CDK14: variants seen among roughly 807,000 people sequenced by gnomAD.
The protein encoded by CDK14 is cyclin dependent kinase 14, also known as cyclin-dependent kinase 14.
In CDK14, 34 loss-of-function variants were observed where a neutral mutation model predicts 60.7. That is an observed-to-expected ratio of 0.56 (90% CI 0.43 to 0.75). CDK14 has a LOEUF of 0.75. Among genes scored for constraint, CDK14 ranks in the 30% least tolerant of loss-of-function variants. CDK14 has a pLI of 0.00. For synonymous variants in CDK14, 197 were observed against 203.7 expected (o/e 0.97, Z 0.28); for missense variants, 482 against 564.1 (o/e 0.85, Z 1.47).
intron 14 of CDK14, among the ~76,000 whole-genome samples, chr7:91,192,980 T>C (rs757127790): frequency 1.3e-4 from 20 of 152,092 alleles, no homozygotes; most frequent in Non-Finnish European, 2.4e-4. Context: ...ACTGAGTGAG[T>C]TATTTTGTTT....
intron 4 of CDK14, among the ~76,000 whole-genome samples, chr7:90,785,723 C>G (rs1375262857): frequency 1.4e-5 from 2 of 140,804 alleles, no homozygotes; most frequent in Non-Finnish European, 3.0e-5. Context: ...GGAGGTGGAG[C>G]TTACAGTGAG....
intron 2 of CDK14, among the ~76,000 whole-genome samples, chr7:90,683,897 C>CGTGTGTGT (rs35197919): frequency 0.018 from 2,566 of 145,742 alleles, 47 homozygotes; most frequent in Middle Eastern, 0.028. Context: ...AGAAAATGTA[C>CGTGTGTGT]GTGTGTGTGT....
intron 11 of CDK14, among the ~76,000 whole-genome samples, chr7:91,067,298 A>G (rs1798009973): frequency 1.3e-5 from 2 of 152,210 alleles, no homozygotes; most frequent in African/African-American, 4.8e-5. Context: ...TATAAATGTC[A>G]TGTTCGTGGC....
At chr7:90,819,797 G>A (rs914211440) in intron 5 of CDK14, among the ~76,000 whole-genome samples, 8 of 152,028 alleles carry the variant, frequency 5.3e-5, no homozygotes, top group Non-Finnish European at 1.0e-4. Context: ...GACAATTTTG[G>A]TAAAATAATA....
intron 10 of CDK14, among the ~76,000 whole-genome samples, chr7:91,013,654 CTGTT>C (rs1796221500): frequency 9.1e-6 from 1 of 109,836 alleles, no homozygotes; most frequent in African/African-American, 3.3e-5. Flanking sequence ...CTCATTGCCT[CTGTT>C]TTTTTTTTTT....
intron 9 of CDK14, among the ~76,000 whole-genome samples, chr7:90,961,323 C>A (rs1274008256): frequency 6.6e-6 from 1 of 152,044 alleles, no homozygotes; most frequent in South Asian, 2.1e-4. Flanking sequence ...TGTTTTAAGA[C>A]ATTTTACTAT....
intron 10 of CDK14, among the ~76,000 whole-genome samples, chr7:91,025,998 G>T (rs976280485): frequency 4.6e-5 from 7 of 151,934 alleles, no homozygotes; most frequent in African/African-American, 1.5e-4. Flanking sequence ...AAAAATCTAG[G>T]TGACATATTT....
chr7:90,689,920 A>G (rs1336720729), intron 2 of CDK14, among the ~76,000 whole-genome samples: 1 of 152,178 alleles, frequency 6.6e-6, no homozygotes, highest in Non-Finnish European at 1.5e-5. Flanking sequence ...TATAACAGGA[A>G]GGGAAATTAT....
At chr7:90,642,321 G>A (rs1800357161) in intron 2 of CDK14, among the ~76,000 whole-genome samples, 4 of 152,138 alleles carry the variant, frequency 2.6e-5, no homozygotes, top group Admixed American at 2.0e-4. Flanking sequence ...AAAAAATGCA[G>A]TCTTAAATTA....
At chr7:90,856,084 C>T (rs1006133405) in intron 5 of CDK14, among the ~76,000 whole-genome samples, 5 of 152,128 alleles carry the variant, frequency 3.3e-5, no homozygotes, top group Non-Finnish European at 5.9e-5. Flanking sequence ...TACACCTTTT[C>T]GTAGATATAA....
At chr7:90,784,598 G>A (rs1404020650) in intron 4 of CDK14, among the ~76,000 whole-genome samples, 1 of 152,094 alleles carries the variant, frequency 6.6e-6, no homozygotes, top group Admixed American at 6.5e-5. Context: ...ACTAGTTTTA[G>A]TCTTCTTCCA....
At chr7:90,823,074 A>C (rs549380682) in intron 5 of CDK14, among the ~76,000 whole-genome samples, 1 of 152,292 alleles carries the variant, frequency 6.6e-6, no homozygotes, top group Non-Finnish European at 1.5e-5. Context: ...GAGATAATAG[A>C]AATAGAGGAA....
intron 10 of CDK14, among the ~76,000 whole-genome samples, chr7:91,003,034 T>C (rs1795884341): frequency 6.6e-6 from 1 of 152,188 alleles, no homozygotes; most frequent in Non-Finnish European, 1.5e-5. Context: ...ATCACGCCAC[T>C]GCACTCCAGC....
intron 3 of CDK14, among the ~76,000 whole-genome samples, chr7:90,734,618 G>A (rs561703274): frequency 1.3e-5 from 2 of 151,942 alleles, no homozygotes; most frequent in East Asian, 1.9e-4. Flanking sequence ...TGATACTTGT[G>A]TATGGTTCAC....
intron 12 of CDK14, among the ~76,000 whole-genome samples, chr7:91,093,872 A>G (rs920517124): frequency 5.3e-5 from 8 of 152,176 alleles, no homozygotes; most frequent in African/African-American, 1.9e-4. Context: ...CATCCTTTGC[A>G]GCAACATGGA....
At chr7:90,873,159 A>G (rs1791432906) in intron 6 of CDK14, among the ~76,000 whole-genome samples, 1 of 152,164 alleles carries the variant, frequency 6.6e-6, no homozygotes, top group South Asian at 2.1e-4. Context: ...AATACATTGA[A>G]TGTAATAAGA....
At chr7:90,994,352 G>T (rs1222738852) in intron 10 of CDK14, among the ~76,000 whole-genome samples, 1 of 152,124 alleles carries the variant, frequency 6.6e-6, no homozygotes, top group Non-Finnish European at 1.5e-5. Context: ...AGAGTGGGTG[G>T]CCCAAGAGGA....
intron 7 of CDK14, among the ~76,000 whole-genome samples, chr7:90,911,600 A>G (rs1266289286): frequency 1.3e-5 from 2 of 152,134 alleles, no homozygotes; most frequent in Non-Finnish European, 2.9e-5. Flanking sequence ...TGAACCGCAT[A>G]TATTAAATAA....
At chr7:90,622,106 C>G (rs1015743423) in intron 2 of CDK14, among the ~76,000 whole-genome samples, 1 of 152,202 alleles carries the variant, frequency 6.6e-6, no homozygotes, top group Non-Finnish European at 1.5e-5. Context: ...AATTGAGAAA[C>G]GAAGTACAAT....
Sources: gnomAD v4.1 joint callset for allele counts (sites outside exome capture counted in the v4.1 genomes callset) on GRCh38, gnomAD v4.1.1 for gene constraint, MANE v1.5 for transcripts, NCBI Gene and HGNC (gene_info 2026-07-23, HGNC 2026-07-21) for gene names.